LSM12: variants seen among roughly 807,000 people sequenced by gnomAD.
The protein encoded by LSM12 is LSM12 homolog.
For missense variants in LSM12, 108 were observed against 238.9 expected (o/e 0.45, Z 3.61); for synonymous variants, 74 against 87.3 (o/e 0.85, Z 0.85).
intron 1 of LSM12, among the ~76,000 whole-genome samples, chr17:44,065,257 AC>A (rs1421221432): frequency 6.6e-6 from 1 of 151,284 alleles, no homozygotes; most frequent in Non-Finnish European, 1.5e-5. Context: ...ACATGGTGAT[AC>A]CCCATCTCTG....
chr17:44,064,570 C>CAA (rs72236200), intron 1 of LSM12, among the ~76,000 whole-genome samples: 1 of 141,462 alleles, frequency 7.1e-6, no homozygotes, highest in African/African-American at 2.6e-5. Flanking sequence ...CCGTCACTAC[C>CAA]AAAAAAAAAA....
At chr17:44,038,075 G>A (rs2049438182) in intron 3 of LSM12, among the ~76,000 whole-genome samples, 1 of 152,124 alleles carries the variant, frequency 6.6e-6, no homozygotes, top group African/African-American at 2.4e-5. Context: ...CAGGTCGGGC[G>A]CGGTGGCTCA....
At chr17:44,041,767 G>C (rs920673349) in intron 2 of LSM12, among the ~76,000 whole-genome samples, 2 of 152,184 alleles carry the variant, frequency 1.3e-5, no homozygotes, top group African/African-American at 4.8e-5. Flanking sequence ...CTGGTTGCTA[G>C]AGATTCCAGA....
intron 2 of LSM12, among the ~76,000 whole-genome samples, chr17:44,049,856 C>CT (rs1267557933): frequency 6.6e-6 from 1 of 152,122 alleles, no homozygotes; most frequent in Non-Finnish European, 1.5e-5. Flanking sequence ...TGGGTGTGAC[C>CT]TACTGACTCC....
intron 2 of LSM12, among the ~76,000 whole-genome samples, chr17:44,046,423 A>T (rs2049565805): frequency 6.6e-6 from 1 of 151,744 alleles, no homozygotes; most frequent in Non-Finnish European, 1.5e-5. Context: ...AACAAAACAA[A>T]ATGGCCGGGT....
chr17:44,052,792 C>A (rs1224785068), intron 2 of LSM12, among the ~76,000 whole-genome samples: 1 of 149,502 alleles, frequency 6.7e-6, no homozygotes, highest in African/African-American at 2.4e-5. Context: ...AATAAATAAT[C>A]TATTTATATT....
intron 2 of LSM12, among the ~76,000 whole-genome samples, chr17:44,050,273 G>C (rs2049625469): frequency 7.0e-6 from 1 of 143,358 alleles, no homozygotes; most frequent in Admixed American, 7.5e-5. Flanking sequence ...GCTAATTTTT[G>C]TATTTTTTTT....
At chr17:44,036,856 TC>T (rs1567953926) in intron 4 of LSM12, 1 of 156,566 alleles carries the variant, frequency 6.4e-6, no homozygotes. Flanking sequence ...GCGTGGTGGC[TC>T]ATACCTGCAA....
intron 4 of LSM12, 72 bp from the exon 5 acceptor site, chr17:44,036,372 G>A: frequency 1.3e-6 from 2 of 1,591,040 alleles, no homozygotes; most frequent in African/African-American, 1.3e-5. Flanking sequence ...ATCCAACCCA[G>A]GTTTCCACAG....
chr17:44,037,253 T>C (rs2049427904), intron 4 of LSM12, among the ~76,000 whole-genome samples, 159 bp downstream of exon 4: 1 of 152,162 alleles, frequency 6.6e-6, no homozygotes, highest in Admixed American at 6.5e-5. Context: ...CCCACAGGAC[T>C]GCAGAACCCC....
chr17:44,059,205 C>G (rs775940790), intron 2 of LSM12, among the ~76,000 whole-genome samples: 1 of 152,130 alleles, frequency 6.6e-6, no homozygotes, highest in African/African-American at 2.4e-5. Context: ...TACACACACA[C>G]ACGAAACATA....
Position 44,036,163 on chromosome 17 carries a change from C to T in LSM12, c.*45G>A, listed in dbSNP as rs759541678. On this transcript the variant is annotated 3_prime_UTR_variant, in exon 5 of 5. Coordinates refer to ENST00000293406, the MANE Select transcript of LSM12 (RefSeq NM_001371445.1). ...CTGCCTCCGCTGAAGCCACCACCAG[C>T]GCCTCCTTGGCTGGATGCTGGAAGA... 9.4e-6 allele frequency: 15 copies of T among 1,590,574 alleles called. No individual in the cohort carries two copies. The East Asian group carries it at 1.3e-4, about 14-fold the overall frequency.
chr17:44,056,302 A>G (rs1228818656), intron 2 of LSM12, among the ~76,000 whole-genome samples: 1 of 149,992 alleles, frequency 6.7e-6, no homozygotes, highest in African/African-American at 2.5e-5. Context: ...TCTCAAAAAA[A>G]AAAAAAAAAA....
At chr17:44,056,030 A>G (rs2631292) in intron 2 of LSM12, among the ~76,000 whole-genome samples, 140,525 of 151,540 alleles carry the variant, frequency 0.93, 65,271 homozygotes, top group East Asian at 1. Context: ...CACTTTGGGA[A>G]GCCGAGGTGG....
rs1597899453 is a variant in LSM12 at position 44,063,654 on chromosome 17, A to C, written c.258+147T>G. 2.4e-5 allele frequency: 23 copies of C among 955,784 alleles called. No individual in the cohort carries two copies. The East Asian group carries it at 6.4e-4, about 27-fold the overall frequency. The allele number at this position is 955,784 out of a possible 1,614,324, so 59.2% of individuals were successfully genotyped here. A position where few individuals can be genotyped will look rare whatever the true frequency, so the allele number is the denominator to read the frequency against. ...CATCCAGGAATAAAGAGAAAAACTA[A>C]ACCTACATTTTTTAAAAAGATATCA... On this transcript the variant is annotated intron_variant, in intron 2 of 4. Coordinates refer to ENST00000293406, the MANE Select transcript of LSM12 (RefSeq NM_001371445.1).
chr17:44,061,194 G>C (rs947629652), intron 2 of LSM12, among the ~76,000 whole-genome samples: 6 of 151,788 alleles, frequency 4.0e-5, no homozygotes, highest in African/African-American at 1.5e-4. Context: ...GTGCATGCCT[G>C]TAATCCCAGC....
intron 2 of LSM12, among the ~76,000 whole-genome samples, chr17:44,046,760 T>C (rs1468310187): frequency 8.9e-4 from 9 of 10,144 alleles, no homozygotes; most frequent in Non-Finnish European, 2.8e-3. Flanking sequence ...TTTTTTTTTC[T>C]TTTTTTTTTT....
At position 44,035,270 on chromosome 17, in the gene LSM12, ACT is replaced by A. The variant is rs1276738082; in HGVS notation, c.*936_*937del. ...AGAGGCACAGGAGAAAGGGCAGCTGACTCTCTCATGTGGAGAGAGTGGCGAGG... is the reference window on the plus strand; with the variant it reads ...AGAGGCACAGGAGAAAGGGCAGCTGACTCTCATGTGGAGAGAGTGGCGAGG... On this transcript the variant is annotated 3_prime_UTR_variant, in exon 5 of 5. Transcript: ENST00000293406. The A allele has an allele frequency of 2.4e-4, 16 of 67,530 alleles. No individual in the cohort carries two copies. The East Asian group carries it at 6.4e-3, about 27-fold the overall frequency. 4.2% of individuals were successfully genotyped at this position (67,530 alleles called of 1,614,324 possible).
At chr17:44,054,061 A>G (rs973719491) in intron 2 of LSM12, among the ~76,000 whole-genome samples, 1 of 152,166 alleles carries the variant, frequency 6.6e-6, no homozygotes, top group African/African-American at 2.4e-5. Context: ...ACCTGGGCTC[A>G]GCAATTTATC....
Sources: allele counts gnomAD v4.1 joint callset (sites outside exome capture counted in the v4.1 genomes callset), GRCh38; gene constraint gnomAD v4.1.1; transcripts MANE v1.5; gene names NCBI Gene and HGNC (gene_info 2026-07-23, HGNC 2026-07-21).